The following FLYWCH1 variants were observed in gnomAD, a reference collection of about 807,000 sequenced individuals.
The protein encoded by FLYWCH1 is FLYWCH-type zinc finger 1, also known as FLYWCH-type zinc finger-containing protein 1.
In FLYWCH1, 75 loss-of-function variants were observed where a neutral mutation model predicts 66.4. The observed-to-expected ratio is 1.13, with a 90% CI of 0.94 to 1.37. The LOEUF (loss-of-function observed/expected upper bound fraction) is 1.37, where lower values mean the gene tolerates loss of function less well. Among genes scored for constraint, FLYWCH1 ranks in the 40% most tolerant of loss-of-function variants. The pLI, the probability that FLYWCH1 is intolerant of heterozygous loss-of-function variation, is 0.00. For synonymous variants in FLYWCH1, 595 were observed against 429.9 expected (o/e 1.38, Z -4.75); for missense variants, 1,334 against 1,001.8 (o/e 1.33, Z -4.48).
At chr16:2,932,270 C>CAAAAAAAA (rs71158125) in intron 4 of FLYWCH1, among the ~76,000 whole-genome samples, 5 of 55,304 alleles carry the variant, frequency 9.0e-5, no homozygotes, top group Non-Finnish European at 1.3e-4. Flanking sequence ...GACCCTGTCT[C>CAAAAAAAA]AAAAAAAAAA....
chr16:2,925,742 G>A (rs2150928802), intron 2 of FLYWCH1, among the ~76,000 whole-genome samples: 1 of 152,300 alleles, frequency 6.6e-6, no homozygotes, highest in Middle Eastern at 3.4e-3. Flanking sequence ...GGCTGGGCCG[G>A]GGCTGGGGGA....
At position 2,940,046 on chromosome 16, in the gene FLYWCH1, C is replaced by T. The variant is rs778063634; in HGVS notation, c.2065C>T (p.Gln689Ter). 1.9e-6 allele frequency: 3 copies of T among 1,589,982 alleles called. No individual in the cohort carries two copies. The highest frequency in any genetic ancestry group is 1.1e-5 in the South Asian group (1 of 89,890). The change falls in exon 9 of 10, where the codon CAG (glutamine) becomes TAG (stop). Residue 689 changes from glutamine (Q) to a stop codon, truncating the protein, a stop_gained. Transcript: ENST00000253928. LOFTEE classifies it low-confidence loss of function (END_TRUNC). ...TTTTTCCACAGAAAAGATTCAAGTT[C>T]AGCTGTGCTTCAAGACGTGTTCTCC... ...QQEDPEKIQV[Q>*]LCFKTCSPES...
intron 9 of FLYWCH1, among the ~76,000 whole-genome samples, chr16:2,943,791 G>A (rs1479797449): frequency 6.6e-6 from 1 of 151,998 alleles, no homozygotes; most frequent in Non-Finnish European, 1.5e-5. Context: ...CAAAAAATTA[G>A]CCAGGCGTGG....
Position 2,930,559 on chromosome 16 carries a change from G to A in FLYWCH1, c.475G>A (p.Ala159Thr), listed in dbSNP as rs866773481. The change falls in exon 4 of 10, where the codon GCC becomes ACC. Residue 159 changes from alanine (A) to threonine (T), a missense_variant. Coordinates refer to ENST00000253928, the MANE Select transcript of FLYWCH1 (RefSeq NM_001308068.2). ...QHAELGCRGR[A>T]ITRGLRATVM... is the part of the protein sequence containing the mutation. ...TGCTGAGCTGGGCTGCCGGGGCCGG[G>A]CCATCACCCGAGGCCTGCGGGCCAC... The A allele has an allele frequency of 6.4e-7, 1 of 1,552,944 alleles. No individual in the cohort carries two copies. Among genetic ancestry groups the A allele is most frequent in the Non-Finnish European group, 8.7e-7 (1 of 1,151,888 alleles).
chr16:2,945,123 G>A (rs2071425189), intron 9 of FLYWCH1, among the ~76,000 whole-genome samples: 1 of 151,122 alleles, frequency 6.6e-6, no homozygotes, highest in Non-Finnish European at 1.5e-5. Flanking sequence ...GCTGAGGTGG[G>A]TGGATCACTT....
chr16:2,945,812 A>C (rs984814500), intron 9 of FLYWCH1, among the ~76,000 whole-genome samples: 1 of 152,040 alleles, frequency 6.6e-6, no homozygotes, highest in Admixed American at 6.6e-5. Flanking sequence ...CCTGGCTAAC[A>C]TGGTGAAATC....
rs145819591 is a variant in FLYWCH1, at chr16:2,918,534, G to A, written c.-74+4245G>A. Among the ~76,000 whole-genome samples, 10 of 150,510 alleles carry A rather than the reference G, an allele frequency of 6.6e-5. 1 individual carries two copies. Among genetic ancestry groups the A allele is most frequent in the Admixed American group, 2.0e-4 (3 of 15,116 alleles). ...TGGCTCACTGCAACCTCCACCTCCC[G>A]GTTTCGAGTGACTCTTCTGCCTCAG... On this transcript the variant is annotated intron_variant, in intron 2 of 9. Transcript: ENST00000253928.
At chr16:2,921,523 C>T (rs75368906) in intron 2 of FLYWCH1, among the ~76,000 whole-genome samples, 2,278 of 152,076 alleles carry the variant, frequency 0.015, 22 homozygotes, top group Non-Finnish European at 0.026. Context: ...TAGCAAGACC[C>T]TGTCATTACC....
chr16:2,935,045 T>C (rs1351415129), intron 6 of FLYWCH1: 1 of 154,334 alleles, frequency 6.5e-6, no homozygotes, highest in Non-Finnish European at 1.4e-5. Flanking sequence ...TGCCTCAGCC[T>C]CCTGAGTAGC....
At chr16:2,920,087 TA>T (rs147640834) in intron 2 of FLYWCH1, among the ~76,000 whole-genome samples, 5,108 of 152,304 alleles carry the variant, frequency 0.034, 116 homozygotes, top group Non-Finnish European at 0.049. Context: ...GTGGCAGGAT[TA>T]GGGGTCATTT....
At chr16:2,937,096 C>T (rs1469143753) in intron 6 of FLYWCH1, 25 bp from the exon 7 acceptor site, 4 of 1,582,740 alleles carry the variant, frequency 2.5e-6, no homozygotes, top group Non-Finnish European at 3.4e-6. Flanking sequence ...GTGTCCGCTG[C>T]TCCTCCCCTC....
At chr16:2,937,412 C>T (rs375504789) in intron 7 of FLYWCH1, 28 bp downstream of exon 7, 3 of 1,505,312 alleles carry the variant, frequency 2.0e-6, no homozygotes, top group East Asian at 2.3e-5. Context: ...TGGGCTGGGT[C>T]TGCCTGGTCT....
chr16:2,938,515 A>C (rs1596390002), intron 8 of FLYWCH1, 59 bp downstream of exon 8: 26 of 1,460,340 alleles, frequency 1.8e-5, no homozygotes, highest in Non-Finnish European at 2.3e-5. Context: ...CTTCCAGCTC[A>C]GAACTGATGC....
At chr16:2,936,871 T>G (rs890772590) in intron 6 of FLYWCH1, 88 of 640,732 alleles carry the variant, frequency 1.4e-4, no homozygotes, top group Non-Finnish European at 2.3e-4. Context: ...CCTGAAGGCA[T>G]GGCAAGGTGG....
chr16:2,948,733 T>C lies in FLYWCH1; in HGVS notation c.*6T>C, dbSNP rs1248790366. The C allele has an allele frequency of 1.9e-6, 3 of 1,613,850 alleles. No homozygotes were observed. Among genetic ancestry groups the C allele is most frequent in the Non-Finnish European group, 2.5e-6 (3 of 1,179,730 alleles). The stretch of plus-strand genomic sequence containing the variant: ...TGGATGGCGAGTCCCAGTGAGGCGA[T>C]GTGGGCAGAGGAGCTCCGAGCCGCC... On this transcript the variant is annotated 3_prime_UTR_variant, in exon 10 of 10. Transcript: ENST00000253928.
Position 2,931,290 on chromosome 16 carries a change from G to A in FLYWCH1, c.796+410G>A, listed in dbSNP as rs567705354. On this transcript the variant is annotated intron_variant, in intron 4 of 9. Coordinates refer to ENST00000253928, the MANE Select transcript of FLYWCH1 (RefSeq NM_001308068.2). ...TGTATTCCAGCCTGGTGACTGGAGC[G>A]AGACTCCATCTCAGTAAAAAAAAAA... Among the ~76,000 whole-genome samples the A allele has an allele frequency of 4.3e-4, 59 of 138,500 alleles. 1 individual carries two copies. The highest frequency in any genetic ancestry group is 1.4e-3 in the Admixed American group (18 of 13,162). 90.9% of individuals were successfully genotyped at this position (138,500 alleles called of 152,430 possible). A position where few individuals can be genotyped will look rare whatever the true frequency, so the allele number is the denominator to read the frequency against.
intron 2 of FLYWCH1, among the ~76,000 whole-genome samples, chr16:2,924,312 C>T (rs1303715555): frequency 6.7e-6 from 1 of 148,352 alleles, no homozygotes; most frequent in Non-Finnish European, 1.5e-5. Context: ...GCCTGGGTGA[C>T]AGAGCGAGAC....
At chr16:2,925,580 G>GT (rs1567326690) in intron 2 of FLYWCH1, among the ~76,000 whole-genome samples, 8 of 124,818 alleles carry the variant, frequency 6.4e-5, no homozygotes, top group Admixed American at 3.8e-4. Flanking sequence ...GTTGCGGGGG[G>GT]AGGGGGGTAC....
In FLYWCH1 at chr16:2,937,394, G is replaced by A. The variant is rs755191605; in HGVS notation, c.1777+10G>A. 1 of 1,537,970 alleles carries A rather than the reference G, an allele frequency of 6.5e-7. No individual in the cohort carries two copies. The highest frequency in any genetic ancestry group is 8.7e-7 in the Non-Finnish European group (1 of 1,145,102). ...CAGTGGGACAGCCCAGGTGCGTGTG[G>A]AGGGTGCTGGGCTGGGTCTGCCTGG... On this transcript the variant is annotated intron_variant, in intron 7 of 9. Coordinates refer to ENST00000253928, the MANE Select transcript of FLYWCH1 (RefSeq NM_001308068.2).
Sources: gnomAD v4.1 joint callset for allele counts (sites outside exome capture counted in the v4.1 genomes callset) on GRCh38, gnomAD v4.1.1 for gene constraint, MANE v1.5 for transcripts, NCBI Gene and HGNC (gene_info 2026-07-23, HGNC 2026-07-21) for gene names.